The following FGF12 variants were observed in gnomAD, a reference collection of about 807,000 sequenced individuals.
FGF12 encodes the protein fibroblast growth factor 12B.
FGF12 carries 14 observed loss-of-function variants against 23.6 expected under a neutral mutation model. The ratio of observed to expected loss-of-function variants is 0.59; its 90% CI spans 0.39 to 0.93. FGF12 has a LOEUF of 0.93. Among genes scored for constraint, FGF12 ranks in the 40% least tolerant of loss-of-function variants. The pLI is 0.00. For synonymous variants in FGF12, 62 were observed against 77.3 expected (o/e 0.80, Z 1.04); for missense variants, 175 against 217.8 (o/e 0.80, Z 1.24).
chr3:192,578,183 T>C (rs1313417959), intron 2 of FGF12, among the ~76,000 whole-genome samples: 1 of 152,242 alleles, frequency 6.6e-6, no homozygotes, highest in Non-Finnish European at 1.5e-5. Flanking sequence ...AAGTAAGTAA[T>C]AGTAAATAAA....
At chr3:192,495,261 C>T (rs960272290) in intron 2 of FGF12, among the ~76,000 whole-genome samples, 1 of 152,184 alleles carries the variant, frequency 6.6e-6, no homozygotes, top group Admixed American at 6.5e-5. Context: ...TATACAACAA[C>T]ATACACATTT....
intron 4 of FGF12, among the ~76,000 whole-genome samples, chr3:192,333,595 G>A (rs557617410): frequency 1.9e-4 from 29 of 152,048 alleles, no homozygotes; most frequent in African/African-American, 6.3e-4. Context: ...TATTTATAGT[G>A]TAAATACAAA....
Position 192,408,010 on chromosome 3 carries a change from C to CG in FGF12, c.14-47473dup, listed in dbSNP as rs1721034557. The CG allele has an allele frequency of 1.9e-6, 3 of 1,595,148 alleles. No homozygotes were observed. The highest frequency in any genetic ancestry group is 2.6e-6 in the Non-Finnish European group (3 of 1,171,326). ...CGTCCCCTCTGGGGAGCCCACTCTC[C>CG]GGGCTTCTACTGACCTGGTCTCCGC... On this transcript the variant is annotated intron_variant, in intron 2 of 5. Coordinates refer to ENST00000445105, the MANE Select transcript of FGF12 (RefSeq NM_004113.6). This position sits in a 1 kb window ranked among gnomAD's most constrained non-coding sequence, Gnocchi z 7.3.
At chr3:192,260,560 C>T (rs1259365288) in intron 4 of FGF12, among the ~76,000 whole-genome samples, 2 of 152,182 alleles carry the variant, frequency 1.3e-5, no homozygotes, top group Non-Finnish European at 2.9e-5. Context: ...GCAGAATTTA[C>T]ACATGTGATG....
chr3:192,617,496 G>A (rs1714804462), intron 2 of FGF12, among the ~76,000 whole-genome samples: 1 of 152,052 alleles, frequency 6.6e-6, no homozygotes, highest in African/African-American at 2.4e-5. Flanking sequence ...ATTCTGGTTT[G>A]GAAATCAGCC....
chr3:192,435,995 G>T (rs114041703), intron 2 of FGF12, among the ~76,000 whole-genome samples: 2 of 152,284 alleles, frequency 1.3e-5, no homozygotes, highest in African/African-American at 4.8e-5. Context: ...ACACCACAGC[G>T]AATACGTCTA....
chr3:192,193,818 A>G (rs1309436658), intron 4 of FGF12, among the ~76,000 whole-genome samples: 1 of 151,954 alleles, frequency 6.6e-6, no homozygotes, highest in African/African-American at 2.4e-5. Context: ...TTGTATATGT[A>G]CCATCAGCGT....
In FGF12 at chr3:192,620,257, C is replaced by T. The variant is rs547127564; in HGVS notation, c.13+106924G>A. On this transcript the variant is annotated intron_variant, in intron 2 of 5. Transcript: ENST00000445105. ...ACACACACACGCGCGCGCGCGCGCACGCACACACACACACACACTCAAACC... is the reference window on the plus strand; with the variant it reads ...ACACACACACGCGCGCGCGCGCGCATGCACACACACACACACACTCAAACC... 1.8e-4 allele frequency among the ~76,000 whole-genome samples: 11 copies of T among 59,554 alleles called. No individual in the cohort carries two copies. The East Asian group carries it at 2.7e-3, about 15-fold the overall frequency. The allele number at this position is 59,554 out of a possible 152,430, so 39.1% of individuals were successfully genotyped here. A position where few individuals can be genotyped will look rare whatever the true frequency, so the allele number is the denominator to read the frequency against.
rs544432276 is a variant in FGF12 at position 192,587,366 on chromosome 3, G to A, written c.13+139815C>T. 3.9e-5 allele frequency among the ~76,000 whole-genome samples: 6 copies of A among 151,974 alleles called. No homozygotes were observed. In the East Asian group the frequency reaches 7.7e-4, roughly 20 times the overall value. On this transcript the variant is annotated intron_variant, in intron 2 of 5. Coordinates refer to ENST00000445105, the MANE Select transcript of FGF12 (RefSeq NM_004113.6). Reference sequence around the variant, plus strand: ...CCACTTTATTGCTGGGCTGTGGAGCGGGCACTCCTGGCAGAGGTTGTGGTG... The same window carrying A: ...CCACTTTATTGCTGGGCTGTGGAGCAGGCACTCCTGGCAGAGGTTGTGGTG...
intron 4 of FGF12, among the ~76,000 whole-genome samples, chr3:192,319,036 A>C (rs1008037293): frequency 5.9e-5 from 9 of 152,192 alleles, no homozygotes; most frequent in Non-Finnish European, 1.2e-4. Flanking sequence ...AATTTCCTAC[A>C]TAAAGGAAGG....
In FGF12 at chr3:192,370,826, C is replaced by T. The variant is rs75821279; in HGVS notation, c.14-10288G>A. On this transcript the variant is annotated intron_variant, in intron 2 of 5. Transcript: ENST00000445105. ...CTTGGTGTGCTAACGTTTCAGCCAC[C>T]TTAAGAATGAAAGTCTCATTTCAGT... 8.5e-5 allele frequency among the ~76,000 whole-genome samples: 13 copies of T among 152,270 alleles called. No homozygotes were observed. In the East Asian group the frequency reaches 2.1e-3, roughly 25 times the overall value.
intron 2 of FGF12, among the ~76,000 whole-genome samples, chr3:192,533,335 G>T (rs1725141748): frequency 6.6e-6 from 1 of 152,078 alleles, no homozygotes; most frequent in Non-Finnish European, 1.5e-5. Context: ...TGTAATTCAG[G>T]TTTTTGGGGA....
chr3:192,451,570 A>T (rs1488284608), intron 2 of FGF12, among the ~76,000 whole-genome samples: 5 of 152,236 alleles, frequency 3.3e-5, no homozygotes, highest in African/African-American at 9.6e-5. Context: ...TATTTAATGG[A>T]CTAAAGATAA....
At chr3:192,599,530 T>G (rs575647010) in intron 2 of FGF12, among the ~76,000 whole-genome samples, 14 of 152,170 alleles carry the variant, frequency 9.2e-5, no homozygotes, top group African/African-American at 3.1e-4. Flanking sequence ...TATAAGATAA[T>G]AAAAATGACA....
At chr3:192,432,826 G>A (rs1011017359) in intron 2 of FGF12, among the ~76,000 whole-genome samples, 4 of 151,934 alleles carry the variant, frequency 2.6e-5, no homozygotes, top group South Asian at 2.1e-4. Context: ...AGCTGTGTCC[G>A]GTTTACTGAC....
rs1719673931 is a variant in FGF12 at position 192,378,528 on chromosome 3, CTTAAAT to C, written c.14-17996_14-17991del. On this transcript the variant is annotated intron_variant, in intron 2 of 5. Transcript: ENST00000445105. Reference sequence around the variant, plus strand: ...TATTCATAAACATAATTTTAGTAAACTTAAATTTAAGATTTCCAAAAGTAACGGAAC... The same window carrying C: ...TATTCATAAACATAATTTTAGTAAACTTAAGATTTCCAAAAGTAACGGAAC... Among the ~76,000 whole-genome samples, 3 of 152,220 alleles carry C rather than the reference CTTAAAT, an allele frequency of 2.0e-5. No homozygotes were observed. In the South Asian group the frequency reaches 6.2e-4, roughly 32 times the overall value.
chr3:192,499,410 A>G (rs968821625), intron 2 of FGF12, among the ~76,000 whole-genome samples: 3 of 147,536 alleles, frequency 2.0e-5, no homozygotes, highest in African/African-American at 7.5e-5. Flanking sequence ...GCTTTGAAAA[A>G]ACATCTCAAG....
At chr3:192,219,986 T>G (rs1357019904) in intron 4 of FGF12, among the ~76,000 whole-genome samples, 2 of 152,204 alleles carry the variant, frequency 1.3e-5, no homozygotes, top group African/African-American at 4.8e-5. Context: ...GGCATTGTTT[T>G]CTTTTCCAGT....
Position 192,237,476 on chromosome 3 carries a change from G to C in FGF12, c.229-66820C>G, listed in dbSNP as rs76577083. 4.2e-3 allele frequency among the ~76,000 whole-genome samples: 637 copies of C among 152,278 alleles called. 5 individuals carry two copies. Among genetic ancestry groups the C allele is most frequent in the South Asian group, 0.024 (116 of 4,824 alleles). ...CCATCTCTTTCAGGAATGACAACGA[G>C]TTACAGGTTTGGTCTCCTTACATAA... On this transcript the variant is annotated intron_variant, in intron 4 of 5. Transcript: ENST00000445105.
Sources: gnomAD v4.1 joint callset for allele counts (sites outside exome capture counted in the v4.1 genomes callset) on GRCh38, gnomAD v4.1.1 for gene constraint, Gnocchi (gnomAD v3.1) non-coding constraint, MANE v1.5 for transcripts, NCBI Gene and HGNC (gene_info 2026-07-23, HGNC 2026-07-21) for gene names.